Variants in PODXL observed in about 807,000 individuals in gnomAD.
The protein encoded by PODXL is podocalyxin like, also known as podocalyxin.
Under a neutral mutation model 48.9 loss-of-function variants are expected in PODXL, and 20 were observed. The ratio of observed to expected loss-of-function variants is 0.41; its 90% CI spans 0.29 to 0.59. The LOEUF is 0.59. Among genes scored for constraint, PODXL ranks in the 20% least tolerant of loss-of-function variants. PODXL has a pLI of 0.31. For synonymous variants in PODXL, 295 were observed against 287.4 expected (o/e 1.03, Z -0.27); for missense variants, 606 against 675.1 (o/e 0.90, Z 1.13).
At chr7:131,533,811 C>T (rs1393151358) in intron 1 of PODXL, among the ~76,000 whole-genome samples, 1 of 152,136 alleles carries the variant, frequency 6.6e-6, no homozygotes, top group Non-Finnish European at 1.5e-5. Flanking sequence ...CCAGGGAGCC[C>T]GACACCCGGC....
chr7:131,539,908 C>T (rs1260863659), intron 1 of PODXL, among the ~76,000 whole-genome samples: 1 of 152,202 alleles, frequency 6.6e-6, no homozygotes, highest in Non-Finnish European at 1.5e-5. Flanking sequence ...AGCAGTTTAT[C>T]CTCATGACTG....
intron 1 of PODXL, among the ~76,000 whole-genome samples, chr7:131,525,734 AAG>A (rs1798173428): frequency 6.6e-6 from 1 of 152,190 alleles, no homozygotes; most frequent in South Asian, 2.1e-4. Context: ...TTTAAGTAGT[AAG>A]AATGTTTCTC....
Position 131,500,940 on chromosome 7 carries a change from G to C in PODXL, c.*3371C>G, listed in dbSNP as rs1433072292. ...TTTGAGGAAGTCACTTCATCTTTGT[G>C]AGCTTCAGATTATCTTTTTCTCTAG... is the stretch of plus-strand genomic sequence containing the variant. On this transcript the variant is annotated 3_prime_UTR_variant, in exon 9 of 9. Coordinates refer to ENST00000378555, the MANE Select transcript of PODXL (RefSeq NM_001018111.3). 6.6e-6 allele frequency: 1 copy of C among 152,072 alleles called. No individual in the cohort carries two copies. The highest frequency in any genetic ancestry group is 1.9e-4 in the East Asian group (1 of 5,188). 9.4% of individuals were successfully genotyped at this position (152,072 alleles called of 1,614,324 possible).
intron 1 of PODXL, among the ~76,000 whole-genome samples, chr7:131,544,497 C>T (rs2116859317): frequency 6.6e-6 from 1 of 152,312 alleles, no homozygotes; most frequent in Non-Finnish European, 1.5e-5. Flanking sequence ...TCTCTAGAAC[C>T]CCAGCCATGG....
chr7:131,540,477 C>T (rs1429740741), intron 1 of PODXL, among the ~76,000 whole-genome samples: 1 of 151,988 alleles, frequency 6.6e-6, no homozygotes, highest in Admixed American at 6.6e-5. Flanking sequence ...CCCCCAATAC[C>T]CATCACACTG....
chr7:131,516,226 C>G (rs1584813440), intron 1 of PODXL, among the ~76,000 whole-genome samples: 2 of 152,162 alleles, frequency 1.3e-5, no homozygotes, highest in South Asian at 4.1e-4. Context: ...CAGAAATTCC[C>G]TGGAACAATG....
intron 5 of PODXL, among the ~76,000 whole-genome samples, chr7:131,507,402 G>A (rs965265299): frequency 6.6e-6 from 1 of 152,204 alleles, no homozygotes; most frequent in African/African-American, 2.4e-5. Context: ...GGCTGACGTG[G>A]CTTTAGAGCT....
chr7:131,550,712 C>T (rs980528423), intron 1 of PODXL, among the ~76,000 whole-genome samples: 2 of 152,060 alleles, frequency 1.3e-5, no homozygotes, highest in Non-Finnish European at 2.9e-5. Flanking sequence ...AGGGAATCAG[C>T]ACTGAAAGGG....
intron 1 of PODXL, among the ~76,000 whole-genome samples, chr7:131,546,529 C>T (rs1000816750): frequency 1.3e-5 from 2 of 151,892 alleles, no homozygotes; most frequent in Non-Finnish European, 2.9e-5. Context: ...AATTCAAGAC[C>T]AGCCTGGCCA....
At chr7:131,555,134 C>A (rs528033986) in intron 1 of PODXL, among the ~76,000 whole-genome samples, 6 of 152,298 alleles carry the variant, frequency 3.9e-5, no homozygotes, top group Non-Finnish European at 7.3e-5. Context: ...GCCCTTCCAT[C>A]TCCCCTGGCC....
intron 1 of PODXL, among the ~76,000 whole-genome samples, chr7:131,532,104 A>AAATAATAAT (rs34353284): frequency 1.8e-3 from 245 of 137,208 alleles, no homozygotes; most frequent in Middle Eastern, 3.8e-3. Flanking sequence ...CTCCATCTCA[A>AAATAATAAT]AATAATAATA....
intron 4 of PODXL, 55 bp from the exon 5 acceptor site, chr7:131,509,083 A>G: frequency 6.9e-7 from 1 of 1,450,390 alleles, no homozygotes. Flanking sequence ...AATCTTTGAC[A>G]TTTCCCCCCA....
At chr7:131,521,567 T>A (rs1798092749) in intron 1 of PODXL, among the ~76,000 whole-genome samples, 1 of 152,162 alleles carries the variant, frequency 6.6e-6, no homozygotes, top group Non-Finnish European at 1.5e-5. Context: ...ACTCCTGACC[T>A]CGTGATGGAC....
intron 1 of PODXL, among the ~76,000 whole-genome samples, chr7:131,512,994 C>CAA (rs60701480): frequency 0.51 from 49,029 of 95,382 alleles, 13,285 homozygotes; most frequent in Non-Finnish European, 0.63. Context: ...GACTCCGTCT[C>CAA]AAAAAAAAAA....
Position 131,537,740 on chromosome 7 carries a change from C to T in PODXL, c.100+18520G>A, listed in dbSNP as rs558436284. Among the ~76,000 whole-genome samples, 11 of 152,266 alleles carry T rather than the reference C, an allele frequency of 7.2e-5. No individual in the cohort carries two copies. In the South Asian group the frequency reaches 1.9e-3, roughly 26 times the overall value. The stretch of plus-strand genomic sequence containing the variant: ...CCCTGCCTGTGTTCCTCTCCATCCC[C>T]GAGGGTAACCGCTATTATTCTGACT... On this transcript the variant is annotated intron_variant, in intron 1 of 8. Transcript: ENST00000378555.
At chr7:131,554,659 G>A (rs904206408) in intron 1 of PODXL, among the ~76,000 whole-genome samples, 1 of 152,272 alleles carries the variant, frequency 6.6e-6, no homozygotes, top group East Asian at 1.9e-4. Context: ...GGCAGACAGG[G>A]AGGGTCTTGT....
rs547963555 is a variant in PODXL, at chr7:131,501,418, A to T, written c.*2893T>A. ...TTTCTCCAGTATATTGTCAAAAAAG[A>T]TAAAGCTCAAGAAGTGGTTTAAATA... On this transcript the variant is annotated 3_prime_UTR_variant, in exon 9 of 9. Transcript: ENST00000378555. The T allele has an allele frequency of 1.3e-5, 2 of 152,778 alleles. No homozygotes were observed. Among genetic ancestry groups the T allele is most frequent in the South Asian group, 4.1e-4 (2 of 4,826 alleles). The allele number at this position is 152,778 out of a possible 1,614,324, so 9.5% of individuals were successfully genotyped here.
intron 1 of PODXL, among the ~76,000 whole-genome samples, chr7:131,531,171 G>T (rs891743008): frequency 2.6e-5 from 4 of 152,168 alleles, no homozygotes; most frequent in African/African-American, 9.7e-5. Flanking sequence ...AGGCCCTTCT[G>T]GATCCCTCCA....
rs761609178 is a variant in PODXL at position 131,524,370 on chromosome 7, A to G, written c.101-12937T>C. On this transcript the variant is annotated intron_variant, in intron 1 of 8. Transcript: ENST00000378555. ...GAAACACACACACACACGCACACAC[A>G]CACACACACAGAGAGAGAGAGAGAG... Among the ~76,000 whole-genome samples, 68 of 114,590 alleles carry G rather than the reference A, an allele frequency of 5.9e-4. 1 individual carries two copies. The highest frequency in any genetic ancestry group is 4.9e-3 in the East Asian group (18 of 3,692). 75.2% of individuals were successfully genotyped at this position (114,590 alleles called of 152,430 possible). A position where few individuals can be genotyped will look rare whatever the true frequency, so the allele number is the denominator to read the frequency against.
Sources: gnomAD v4.1 joint callset for allele counts (sites outside exome capture counted in the v4.1 genomes callset) on GRCh38, gnomAD v4.1.1 for gene constraint, MANE v1.5 for transcripts, NCBI Gene and HGNC (gene_info 2026-07-23, HGNC 2026-07-21) for gene names.